SLC24A4: variants seen among roughly 807,000 people sequenced by gnomAD.
SLC24A4 encodes the protein sodium/potassium/calcium exchanger 4.
SLC24A4 carries 53 observed loss-of-function variants against 79.0 expected under a neutral mutation model. The observed-to-expected ratio is 0.67, with a 90% CI of 0.54 to 0.84. The LOEUF is 0.84. SLC24A4 is among the 40% of genes least tolerant of loss of function. The pLI is 0.00. For missense variants in SLC24A4, 731 were observed against 822.0 expected (o/e 0.89, Z 1.35); for synonymous variants, 323 against 323.8 (o/e 1.00, Z 0.03).
At chr14:92,479,934 A>T (rs1006755430) in intron 12 of SLC24A4, among the ~76,000 whole-genome samples, 4 of 152,074 alleles carry the variant, frequency 2.6e-5, no homozygotes, top group African/African-American at 4.8e-5. Flanking sequence ...GGTAGTTTGT[A>T]CCTTTGCAGA....
intron 2 of SLC24A4, among the ~76,000 whole-genome samples, chr14:92,361,308 G>A (rs1445805472): frequency 6.9e-6 from 1 of 145,540 alleles, no homozygotes; most frequent in Non-Finnish European, 1.5e-5. Flanking sequence ...GAATAATCTT[G>A]GACTCAGGTA....
At chr14:92,336,590 A>T (rs936778840) in intron 2 of SLC24A4, among the ~76,000 whole-genome samples, 1 of 152,164 alleles carries the variant, frequency 6.6e-6, no homozygotes, top group Non-Finnish European at 1.5e-5. Flanking sequence ...TTCAATGTAT[A>T]CTTCTTAAAT....
intron 12 of SLC24A4, among the ~76,000 whole-genome samples, chr14:92,465,688 C>G (rs956528207): frequency 1.3e-5 from 2 of 152,136 alleles, no homozygotes; most frequent in South Asian, 2.1e-4. Flanking sequence ...CTGTGTCACT[C>G]GACTGTGCCT....
chr14:92,354,605 T>G (rs1234968008), intron 2 of SLC24A4, among the ~76,000 whole-genome samples: 1 of 152,222 alleles, frequency 6.6e-6, no homozygotes, highest in African/African-American at 2.4e-5. Context: ...TATTTACATT[T>G]TTAATAGAAT....
intron 3 of SLC24A4, 66 bp from the exon 4 acceptor site, chr14:92,439,269 G>T: frequency 7.2e-7 from 1 of 1,386,654 alleles, no homozygotes; most frequent in Non-Finnish European, 1.0e-6. Context: ...TTTGGGGTGT[G>T]GTGGGCCCTT....
At chr14:92,443,683 C>T (rs1177392353) in intron 7 of SLC24A4, among the ~76,000 whole-genome samples, 5 of 152,226 alleles carry the variant, frequency 3.3e-5, no homozygotes. Context: ...AGACCCAAAA[C>T]CTCTCCCACA....
chr14:92,407,488 C>G (rs962121869), intron 2 of SLC24A4, among the ~76,000 whole-genome samples: 1 of 152,186 alleles, frequency 6.6e-6, no homozygotes, highest in East Asian at 1.9e-4. Context: ...AAAGAACCAC[C>G]TGAGACTGGG....
intron 12 of SLC24A4, among the ~76,000 whole-genome samples, chr14:92,474,134 T>C (rs1486164923): frequency 6.6e-6 from 1 of 152,240 alleles, no homozygotes; most frequent in Non-Finnish European, 1.5e-5. Flanking sequence ...TCAGGAAATA[T>C]CTAACTTCAT....
intron 16 of SLC24A4, among the ~76,000 whole-genome samples, chr14:92,493,199 G>A (rs1046142471): frequency 3.3e-5 from 5 of 152,172 alleles, no homozygotes; most frequent in African/African-American, 4.8e-5. Flanking sequence ...GGGAGGAAGT[G>A]ACGTGCCTGC....
rs1896002554 is a variant in SLC24A4, at chr14:92,498,307, G to A, written c.*4679G>A. On this transcript the variant is annotated 3_prime_UTR_variant, in exon 17 of 17. Coordinates refer to ENST00000532405, the MANE Select transcript of SLC24A4 (RefSeq NM_153646.4). ...GTCCTTTGGGAAAATCTTCCCCACT[G>A]TGTCAGTTATATGGGAACAAGAGTG... 6.6e-6 allele frequency: 1 copy of A among 152,194 alleles called. No individual in the cohort carries two copies. Among genetic ancestry groups the A allele is most frequent in the Admixed American group, 6.5e-5 (1 of 15,282 alleles). 9.4% of individuals were successfully genotyped at this position (152,194 alleles called of 1,614,324 possible). A position where few individuals can be genotyped will look rare whatever the true frequency, so the allele number is the denominator to read the frequency against.
intron 13 of SLC24A4, among the ~76,000 whole-genome samples, chr14:92,485,067 G>A (rs569352075): frequency 1.3e-5 from 2 of 150,172 alleles, no homozygotes; most frequent in South Asian, 4.2e-4. Context: ...TTCACCATGA[G>A]ATGCAGCAGT....
chr14:92,416,234 A>C (rs746535417), intron 2 of SLC24A4, among the ~76,000 whole-genome samples: 1 of 152,006 alleles, frequency 6.6e-6, no homozygotes, highest in Non-Finnish European at 1.5e-5. Flanking sequence ...AGAATCCACT[A>C]TAGGTAAGCA....
At position 92,498,625 on chromosome 14, in the gene SLC24A4, GT is replaced by G. The variant is rs1303849895; in HGVS notation, c.*4998del. On this transcript the variant is annotated 3_prime_UTR_variant, in exon 17 of 17. Transcript: ENST00000532405. ...TGATTCTCCCACCTCAGCCTCTCTG[GT>G]AGCTGGGACTACAGGCACGCGCCAC... The G allele has an allele frequency of 6.6e-6, 1 of 152,062 alleles. No homozygotes were observed. The highest frequency in any genetic ancestry group is 1.5e-5 in the Non-Finnish European group (1 of 68,104). 9.4% of individuals were successfully genotyped at this position (152,062 alleles called of 1,614,324 possible).
At chr14:92,414,770 G>A (rs1890892080) in intron 2 of SLC24A4, among the ~76,000 whole-genome samples, 1 of 152,118 alleles carries the variant, frequency 6.6e-6, no homozygotes, top group Admixed American at 6.6e-5. Context: ...CAATCACGTG[G>A]TTGCCACAAT....
At chr14:92,472,496 G>A (rs943830172) in intron 12 of SLC24A4, among the ~76,000 whole-genome samples, 3 of 152,094 alleles carry the variant, frequency 2.0e-5, no homozygotes, top group Non-Finnish European at 4.4e-5. Flanking sequence ...GAGAACATAC[G>A]ATGTTTGGTT....
intron 2 of SLC24A4, among the ~76,000 whole-genome samples, chr14:92,363,764 A>G (rs1328361136): frequency 2.6e-5 from 4 of 152,056 alleles, no homozygotes; most frequent in Non-Finnish European, 5.9e-5. Flanking sequence ...CGGGAGGTGC[A>G]GGTTGCAGTG....
chr14:92,442,162 C>G lies in SLC24A4; in HGVS notation c.467C>G (p.Ala156Gly). The G allele has an allele frequency of 1.2e-6, 2 of 1,613,318 alleles. No individual in the cohort carries two copies. Among genetic ancestry groups the G allele is most frequent in the Non-Finnish European group, 1.7e-6 (2 of 1,179,602 alleles). The change falls in exon 5 of 17, where the codon GCG (alanine) becomes GGG (glycine). Residue 156 changes from alanine to glycine, a missense_variant. By Grantham distance (60) the Ala-to-Gly change is moderately conservative. Transcript: ENST00000532405. Reference sequence around the variant, plus strand: ...GGAAGCTCAACGCCAGAGCTGTTTGCGTCTGTTATTGGTAAGAAATCCCCT... The same window carrying G: ...GGAAGCTCAACGCCAGAGCTGTTTGGGTCTGTTATTGGTAAGAAATCCCCT... ...AAGSSTPELFASVIGVFITHG... is the reference protein window; with the variant it reads ...AAGSSTPELFGSVIGVFITHG...
At chr14:92,359,574 G>A (rs1036814016) in intron 2 of SLC24A4, among the ~76,000 whole-genome samples, 8 of 151,918 alleles carry the variant, frequency 5.3e-5, no homozygotes, top group Non-Finnish European at 8.8e-5. Flanking sequence ...ACTCCCACCC[G>A]GGGGACTGTG....
chr14:92,380,064 G>A (rs954193635), intron 2 of SLC24A4, among the ~76,000 whole-genome samples: 2 of 152,184 alleles, frequency 1.3e-5, no homozygotes, highest in African/African-American at 2.4e-5. Flanking sequence ...CACTGCCTGC[G>A]TGCCTGTGCC....
Sources: gnomAD v4.1 joint callset for allele counts (sites outside exome capture counted in the v4.1 genomes callset) on GRCh38, gnomAD v4.1.1 for gene constraint, MANE v1.5 for transcripts, NCBI Gene and HGNC (gene_info 2026-07-23, HGNC 2026-07-21) for gene names.